The following NOTCH1 variants were observed in gnomAD, a reference collection of about 807,000 sequenced individuals.
NOTCH1 encodes neurogenic locus notch homolog protein 1.
Under a neutral mutation model 254.8 loss-of-function variants are expected in NOTCH1, and 37 were observed. That is an observed-to-expected ratio of 0.15 (90% CI 0.11 to 0.19). The LOEUF (loss-of-function observed/expected upper bound fraction) is 0.19. Among genes scored for constraint, NOTCH1 ranks in the 10% least tolerant of loss-of-function variants. NOTCH1 has a pLI of 1.00. For missense variants in NOTCH1, 2,972 were observed against 3,708.6 expected, an observed-to-expected ratio of 0.80 and a Z score of 5.16; for synonymous variants, 1,731 against 1,618.1, an observed-to-expected ratio of 1.07 and a Z score of -1.68.
Position 136,508,891 on chromosome 9 carries a change from G to A in NOTCH1, c.3150C>T (p.Gly1050=). 1 of 1,547,972 alleles carries A rather than the reference G, an allele frequency of 6.5e-7. No homozygotes were observed. Among genetic ancestry groups the A allele is most frequent in the Non-Finnish European group, 8.7e-7 (1 of 1,146,592 alleles). Residue 1050 remains glycine, a synonymous_variant, in exon 19 of 34, where the codon GGC becomes GGT. Coordinates refer to ENST00000651671, the MANE Select transcript of NOTCH1 (RefSeq NM_017617.5). ...CGSYRCTCPQ[G]YTGPNCQNLV... The stretch of plus-strand genomic sequence containing the variant: ...TCACCTGGCAGTTGGGGCCAGTGTA[G>A]CCCTGGGGGCAGGTGCACCTGTAGG...
intron 2 of NOTCH1, among the ~76,000 whole-genome samples, chr9:136,541,589 G>A (rs1035451890): frequency 3.9e-5 from 6 of 152,168 alleles, no homozygotes; most frequent in African/African-American, 1.4e-4. Flanking sequence ...CAGGTGCCCT[G>A]GCTAACTCCT....
rs137908687 is a variant in NOTCH1, at chr9:136,510,358, G to A, written c.2740+295C>T. Reference sequence around the variant, plus strand: ...AGAGCCCTGGCCTGCAGCGGGGCCCGATGAGCCAGGCGGGAGTGCAGGCCG... The same window carrying A: ...AGAGCCCTGGCCTGCAGCGGGGCCCAATGAGCCAGGCGGGAGTGCAGGCCG... On this transcript the variant is annotated intron_variant, in intron 17 of 33. Coordinates refer to ENST00000651671, the MANE Select transcript of NOTCH1 (RefSeq NM_017617.5). Among the ~76,000 whole-genome samples, 558 of 152,028 alleles carry A rather than the reference G, an allele frequency of 3.7e-3. 1 individual carries two copies. Among genetic ancestry groups the A allele is most frequent in the African/African-American group, 0.013 (530 of 41,444 alleles).
chr9:136,510,461 A>C, intron 17 of NOTCH1, 192 bp downstream of exon 17: 1 of 690,262 alleles, frequency 1.4e-6, no homozygotes, highest in South Asian at 1.8e-5. Context: ...AGGGAGGAGC[A>C]AGCCGGCTCT....
At chr9:136,507,468 G>A (rs768619361) in intron 21 of NOTCH1, 31 bp from the exon 22 acceptor site, 35 of 1,575,958 alleles carry the variant, frequency 2.2e-5, no homozygotes, top group Non-Finnish European at 2.8e-5. Flanking sequence ...GGGGCCCTTC[G>A]GCTCAGCCGG....
chr9:136,525,396 G>A (rs1843443407), intron 2 of NOTCH1, among the ~76,000 whole-genome samples: 1 of 152,084 alleles, frequency 6.6e-6, no homozygotes, highest in African/African-American at 2.4e-5. Context: ...TGCGCTCCGG[G>A]AAAAGGTCTG....
chr9:136,531,353 G>A (rs1028328102), intron 2 of NOTCH1, among the ~76,000 whole-genome samples: 1 of 152,346 alleles, frequency 6.6e-6, no homozygotes, highest in Middle Eastern at 3.4e-3. Flanking sequence ...TGCTGATGGG[G>A]ACCAGAGCGG....
intron 16 of NOTCH1, 94 bp from the exon 17 acceptor site, chr9:136,510,899 A>G (rs1843171107): frequency 6.5e-7 from 1 of 1,550,326 alleles, no homozygotes; most frequent in South Asian, 1.1e-5. Flanking sequence ...GCCTCTCCCG[A>G]CCCAGGAGTA....
chr9:136,539,695 A>G (rs768956935), intron 2 of NOTCH1, among the ~76,000 whole-genome samples: 69 of 152,328 alleles, frequency 4.5e-4, no homozygotes, highest in Non-Finnish European at 8.2e-4. Flanking sequence ...CTTGAAGACC[A>G]GGTTCTGCAT....
rs1843222825 is a variant in NOTCH1, at chr9:136,513,935, C to T, written c.2208-398G>A. Among the ~76,000 whole-genome samples, 1 of 152,160 alleles carries T rather than the reference C, an allele frequency of 6.6e-6. No homozygotes were observed. Among genetic ancestry groups the T allele is most frequent in the Non-Finnish European group, 1.5e-5 (1 of 68,034 alleles). ...TGAGCTGAGATCATGCCATTGCACT[C>T]CAGCCTGGACAACAGAGCAAGGCTC... On this transcript the variant is annotated intron_variant, in intron 13 of 33. Transcript: ENST00000651671. This position sits in a 1 kb window ranked among gnomAD's most constrained non-coding sequence, Gnocchi z 4.7.
intron 2 of NOTCH1, among the ~76,000 whole-genome samples, chr9:136,534,733 C>T (rs1229085264): frequency 6.6e-6 from 1 of 151,960 alleles, no homozygotes; most frequent in East Asian, 1.9e-4. Context: ...GCGAGGACCC[C>T]GATGGGGCCG....
intron 2 of NOTCH1, 78 bp from the exon 3 acceptor site, chr9:136,524,057 C>A (rs950585081): frequency 4.6e-5 from 70 of 1,518,910 alleles, no homozygotes; most frequent in Non-Finnish European, 5.8e-5. Flanking sequence ...GGGAACCTGT[C>A]ATGGGCACAG....
At chr9:136,535,309 C>T (rs1005761980) in intron 2 of NOTCH1, among the ~76,000 whole-genome samples, 17 of 152,030 alleles carry the variant, frequency 1.1e-4, no homozygotes, top group African/African-American at 3.1e-4. Flanking sequence ...TTAGGCAGGG[C>T]GTGCGGAGAG....
Position 136,513,044 on chromosome 9 carries a change from C to T in NOTCH1, c.2444G>A (p.Cys815Tyr). 1 of 1,476,536 alleles carries T rather than the reference C, an allele frequency of 6.8e-7. No homozygotes were observed. The highest frequency in any genetic ancestry group is 9.1e-7 in the Non-Finnish European group (1 of 1,095,676). 91.5% of individuals were successfully genotyped at this position (1,476,536 alleles called of 1,614,324 possible). A position where few individuals can be genotyped will look rare whatever the true frequency, so the allele number is the denominator to read the frequency against. Residue 815 changes from cysteine to tyrosine, a missense_variant, in exon 15 of 34, where the codon TGC becomes TAC. Cys to Tyr is a radical substitution (Grantham distance 194). This residue lies in a region of NOTCH1 where 1,343 missense variants were observed against 1,557.0 expected (regional missense o/e 0.86). Coordinates refer to ENST00000651671, the MANE Select transcript of NOTCH1 (RefSeq NM_017617.5). The surrounding 1 kb of genome is among the most constrained non-coding windows in gnomAD (Gnocchi z 4.7). ...ACCTGTGTAGGGCAGCAGGCAGTTG[C>T]ACTTGTACCCGGCAACGTCGTCAAT... Reference protein sequence around the residue: ...TCIDDVAGYKCNCLLPYTGAT... With the variant: ...TCIDDVAGYKYNCLLPYTGAT...
In NOTCH1 at chr9:136,507,295, C is replaced by G; in HGVS notation, c.3643+10G>C. The G allele has an allele frequency of 6.2e-7, 1 of 1,612,824 alleles. No individual in the cohort carries two copies. On this transcript the variant is annotated intron_variant, in intron 22 of 33. Transcript: ENST00000651671. Reference sequence around the variant, plus strand: ...TGGCCAACACCAGCCCTCCGTGCAGCGGCCCTTACCCTGAGTGCCCCGTGG... The same window carrying G: ...TGGCCAACACCAGCCCTCCGTGCAGGGGCCCTTACCCTGAGTGCCCCGTGG...
At chr9:136,523,644 T>C (rs1843411932) in intron 3 of NOTCH1, 73 bp downstream of exon 3, 2 of 1,537,414 alleles carry the variant, frequency 1.3e-6, no homozygotes, top group Admixed American at 1.9e-5. Context: ...TCCCGCCAAG[T>C]ACCTCAAGTT....
At chr9:136,504,553 T>C (rs1843046376) in intron 26 of NOTCH1, 120 bp downstream of exon 26, 1 of 1,133,056 alleles carries the variant, frequency 8.8e-7, no homozygotes, top group Non-Finnish European at 1.2e-6. Context: ...CTCCGTCTCT[T>C]TTACCATAAA....
intron 26 of NOTCH1, among the ~76,000 whole-genome samples, chr9:136,503,646 G>C (rs1364783746): frequency 6.6e-6 from 1 of 152,200 alleles, no homozygotes; most frequent in Non-Finnish European, 1.5e-5. Context: ...CAGAGTATGT[G>C]CCAGGAGCCC....
At chr9:136,527,728 C>G (rs35608614) in intron 2 of NOTCH1, among the ~76,000 whole-genome samples, 4 of 152,214 alleles carry the variant, frequency 2.6e-5, no homozygotes, top group Non-Finnish European at 5.9e-5. Context: ...TAGGGTCACC[C>G]GGCACCTGCC....
At chr9:136,498,458 T>A (rs954224707) in intron 33 of NOTCH1, among the ~76,000 whole-genome samples, 4 of 152,192 alleles carry the variant, frequency 2.6e-5, no homozygotes, top group African/African-American at 9.7e-5. Context: ...CGCAGGGAGC[T>A]GCCGCCACGC....
Sources: allele counts gnomAD v4.1 joint callset (sites outside exome capture counted in the v4.1 genomes callset), GRCh38; gene constraint gnomAD v4.1.1; regional missense constraint gnomAD v4.1.1; non-coding constraint Gnocchi (gnomAD v3.1); transcripts MANE v1.5; gene names NCBI Gene and HGNC (gene_info 2026-07-23, HGNC 2026-07-21).